The following OSBPL6 variants were observed in gnomAD, a reference collection of about 807,000 sequenced individuals.
OSBPL6 encodes the protein oxysterol binding protein like 6, also known as oxysterol-binding protein-related protein 6.
A neutral mutation model predicts 125.8 loss-of-function variants in OSBPL6; 49 were observed. The observed-to-expected ratio is 0.39, with a 90% CI of 0.31 to 0.49. The LOEUF is 0.49. Among genes scored for constraint, OSBPL6 ranks in the 20% least tolerant of loss-of-function variants. OSBPL6 has a pLI of 0.88. For synonymous variants in OSBPL6, 394 were observed against 391.8 expected (o/e 1.01, Z -0.07); for missense variants, 986 against 1,135.4 (o/e 0.87, Z 1.89).
chr2:178,204,164 C>T (rs550049988), intron 1 of OSBPL6, among the ~76,000 whole-genome samples: 19 of 151,866 alleles, frequency 1.3e-4, no homozygotes, highest in Non-Finnish European at 2.4e-4. Flanking sequence ...GTTGGGACTA[C>T]GGGTGCATGC....
intron 1 of OSBPL6, among the ~76,000 whole-genome samples, chr2:178,266,996 C>A (rs911311969): frequency 6.6e-6 from 1 of 152,098 alleles, no homozygotes; most frequent in East Asian, 1.9e-4. Flanking sequence ...TCTTGAGCAG[C>A]ATGGGGAGGA....
chr2:178,200,927 C>T (rs958949038), intron 1 of OSBPL6, among the ~76,000 whole-genome samples: 2 of 151,990 alleles, frequency 1.3e-5, no homozygotes, highest in African/African-American at 4.8e-5. Flanking sequence ...TCCCGAGTAG[C>T]TGGATTACAG....
At chr2:178,363,625 G>C (rs1369574838) in intron 13 of OSBPL6, among the ~76,000 whole-genome samples, 6 of 152,116 alleles carry the variant, frequency 3.9e-5, no homozygotes, top group Admixed American at 3.9e-4. Context: ...GGCCTGAGTA[G>C]ACAGCAGCCG....
At chr2:178,342,971 T>C (rs1690348760) in intron 11 of OSBPL6, among the ~76,000 whole-genome samples, 2 of 152,174 alleles carry the variant, frequency 1.3e-5, no homozygotes, top group Admixed American at 1.3e-4. Flanking sequence ...GGATTTTGTC[T>C]AGAAATTTTT....
chr2:178,256,444 A>G (rs956224093), intron 1 of OSBPL6, among the ~76,000 whole-genome samples: 1 of 152,210 alleles, frequency 6.6e-6, no homozygotes, highest in African/African-American at 2.4e-5. Flanking sequence ...AGTTTCAAGC[A>G]TGCTTTTCTT....
rs549319462 is a variant in OSBPL6, at chr2:178,365,325, A to T, written c.1287+3510A>T. Among the ~76,000 whole-genome samples, 247 of 152,250 alleles carry T rather than the reference A, an allele frequency of 1.6e-3. 2 individuals are homozygous for T. Among genetic ancestry groups the T allele is most frequent in the Middle Eastern group, 0.014 (4 of 294 alleles). On this transcript the variant is annotated intron_variant, in intron 13 of 24. Transcript: ENST00000190611. ...AAATATATCAGACTCAGCAAATTTT[A>T]TCGTCTTTTCGAAGGCACATAGCAG...
chr2:178,341,848 C>G lies in OSBPL6; in HGVS notation c.987+2084C>G, dbSNP rs150144823. Among the ~76,000 whole-genome samples, 1,513 of 152,190 alleles carry G rather than the reference C, an allele frequency of 9.9e-3. 40 individuals carry two copies. Among genetic ancestry groups the G allele is most frequent in the Non-Finnish European group, 0.011 (782 of 68,010 alleles). Reference sequence around the variant, plus strand: ...CCCAAACCAACAGGTCTTGCAGGAGCCTCAGGATACTCATTCTCTACTACT... The same window carrying G: ...CCCAAACCAACAGGTCTTGCAGGAGGCTCAGGATACTCATTCTCTACTACT... On this transcript the variant is annotated intron_variant, in intron 11 of 24. Transcript: ENST00000190611.
In OSBPL6 at chr2:178,267,353, CAAAA is replaced by C. The variant is rs57444695; in HGVS notation, c.-350-17555_-350-17552del. ...TGGGTGACAGAGTGAAACTCCATCT[CAAAA>C]AAAAAAAAAAAAAAAAAACAAAACA... On this transcript the variant is annotated intron_variant, in intron 1 of 24. Transcript: ENST00000190611. Among the ~76,000 whole-genome samples, 4 of 81,754 alleles carry C rather than the reference CAAAA, an allele frequency of 4.9e-5. No homozygotes were observed. In the East Asian group the frequency reaches 1.7e-3, roughly 35 times the overall value. 53.6% of individuals were successfully genotyped at this position (81,754 alleles called of 152,430 possible). A position where few individuals can be genotyped will look rare whatever the true frequency, so the allele number is the denominator to read the frequency against.
intron 1 of OSBPL6, among the ~76,000 whole-genome samples, chr2:178,223,237 C>T (rs969789291): frequency 8.5e-5 from 13 of 152,268 alleles, no homozygotes; most frequent in African/African-American, 2.2e-4. Context: ...TGTCTTAAAT[C>T]GCATCTCTAT....
At chr2:178,364,061 G>C (rs1692593507) in intron 13 of OSBPL6, among the ~76,000 whole-genome samples, 1 of 152,206 alleles carries the variant, frequency 6.6e-6, no homozygotes, top group African/African-American at 2.4e-5. Context: ...CTTTGCTTAA[G>C]GTATTTAAGT....
Position 178,399,685 on chromosome 2 carries a change from C to G in OSBPL6, c.*4126C>G, listed in dbSNP as rs1696046964. On this transcript the variant is annotated 3_prime_UTR_variant, in exon 25 of 25. Transcript: ENST00000190611. ...ATCCTTTTGTTTTCCAAAACAACAT[C>G]TGATTTAGTTCATTTTCTCCAGCCT... is the stretch of plus-strand genomic sequence containing the variant. The G allele has an allele frequency of 6.6e-6, 1 of 152,176 alleles. No individual in the cohort carries two copies. Among genetic ancestry groups the G allele is most frequent in the Admixed American group, 6.5e-5 (1 of 15,288 alleles). 9.4% of individuals were successfully genotyped at this position (152,176 alleles called of 1,614,324 possible). A position where few individuals can be genotyped will look rare whatever the true frequency, so the allele number is the denominator to read the frequency against.
intron 15 of OSBPL6, among the ~76,000 whole-genome samples, chr2:178,379,270 AG>A (rs1407495113): frequency 7.2e-5 from 9 of 125,070 alleles, no homozygotes; most frequent in East Asian, 2.7e-4. Context: ...ACAAAGAAAG[AG>A]AAAGAAAGAA....
intron 12 of OSBPL6, among the ~76,000 whole-genome samples, chr2:178,356,192 A>G (rs4422196): frequency 0.3 from 44,847 of 151,948 alleles, 7,270 homozygotes; most frequent in African/African-American, 0.41. Flanking sequence ...CACAGATGCC[A>G]TCTGTCACCA....
intron 3 of OSBPL6, among the ~76,000 whole-genome samples, chr2:178,310,915 C>CTTGGTCTGA: frequency 6.6e-6 from 1 of 152,290 alleles, no homozygotes; most frequent in East Asian, 1.9e-4. Context: ...TCTGAGCCAC[C>CTTGGTCTGA]GTCATTTCTC....
intron 1 of OSBPL6, among the ~76,000 whole-genome samples, chr2:178,246,927 C>A (rs77059875): frequency 2.4e-4 from 37 of 152,278 alleles, no homozygotes; most frequent in African/African-American, 8.9e-4. Flanking sequence ...CTGTGCCTTG[C>A]ATGCAGTAGA....
At chr2:178,196,845 A>C (rs13384376) in intron 1 of OSBPL6, among the ~76,000 whole-genome samples, 3,122 of 152,206 alleles carry the variant, frequency 0.021, 110 homozygotes, top group African/African-American at 0.07. Flanking sequence ...AAGTGGTTTT[A>C]AATCTTGGGG....
chr2:178,241,668 G>A (rs1409886539), intron 1 of OSBPL6, among the ~76,000 whole-genome samples: 1 of 152,016 alleles, frequency 6.6e-6, no homozygotes, highest in Non-Finnish European at 1.5e-5. Flanking sequence ...CGCCAACCTC[G>A]GCCTCCCAAC....
At chr2:178,319,815 C>T (rs114460476) in intron 3 of OSBPL6, among the ~76,000 whole-genome samples, 4 of 152,084 alleles carry the variant, frequency 2.6e-5, no homozygotes, top group Non-Finnish European at 5.9e-5. Flanking sequence ...GCTTGAAGAA[C>T]GTACTTTAGA....
chr2:178,314,583 G>C (rs901112925), intron 3 of OSBPL6, among the ~76,000 whole-genome samples: 1 of 152,212 alleles, frequency 6.6e-6, no homozygotes, highest in Non-Finnish European at 1.5e-5. Flanking sequence ...GTTTGCAAAA[G>C]CTCAGACTGG....
Sources: allele counts gnomAD v4.1 joint callset (sites outside exome capture counted in the v4.1 genomes callset), GRCh38; gene constraint gnomAD v4.1.1; transcripts MANE v1.5; gene names NCBI Gene and HGNC (gene_info 2026-07-23, HGNC 2026-07-21).